Variants in SCAMP1 observed in about 807,000 individuals in gnomAD.
The protein encoded by SCAMP1 is secretory carrier membrane protein 1.
In SCAMP1, 15 loss-of-function variants were observed where a neutral mutation model predicts 41.8. That is an observed-to-expected ratio of 0.36 (90% confidence interval 0.24 to 0.55). SCAMP1 has a LOEUF of 0.55. Among genes scored for constraint, SCAMP1 ranks in the 20% least tolerant of loss-of-function variants. The pLI is 0.86. For missense variants in SCAMP1, 341 were observed against 412.6 expected, an observed-to-expected ratio of 0.83 and a Z score of 1.50; for synonymous variants, 135 against 136.8, an observed-to-expected ratio of 0.99 and a Z score of 0.09.
At chr5:78,418,735 A>T (rs760608920) in intron 4 of SCAMP1, 40 bp from the exon 5 acceptor site, 59 of 1,238,742 alleles carry the variant, frequency 4.8e-5, no homozygotes, top group Admixed American at 5.9e-5. Flanking sequence ...CATTTGTTAT[A>T]ATATAAATAA....
intron 2 of SCAMP1, among the ~76,000 whole-genome samples, chr5:78,404,114 TCAAAAA>T (rs1302463036): frequency 2.7e-5 from 1 of 37,300 alleles, no homozygotes; most frequent in Non-Finnish European, 5.9e-5. Context: ...AGACCCTGTC[TCAAAAA>T]AAAAAAAAAA....
intron 8 of SCAMP1, among the ~76,000 whole-genome samples, chr5:78,473,120 T>C (rs1159930): frequency 0.76 from 115,850 of 152,102 alleles, 44,773 homozygotes; most frequent in African/African-American, 0.84. Flanking sequence ...TTATACTTAA[T>C]GATAGTGCTA....
intron 6 of SCAMP1, among the ~76,000 whole-genome samples, chr5:78,431,103 A>G (rs1042742097): frequency 6.6e-6 from 1 of 152,038 alleles, no homozygotes; most frequent in African/African-American, 2.4e-5. Flanking sequence ...AAAACAACGT[A>G]TTGTATAACA....
At chr5:78,440,287 C>G (rs1052669161) in intron 6 of SCAMP1, among the ~76,000 whole-genome samples, 1 of 152,182 alleles carries the variant, frequency 6.6e-6, no homozygotes, top group Non-Finnish European at 1.5e-5. Context: ...AAGGGGCGCT[C>G]TGATTTTTAG....
intron 8 of SCAMP1, among the ~76,000 whole-genome samples, chr5:78,460,644 G>T (rs1753561819): frequency 6.6e-6 from 1 of 150,878 alleles, no homozygotes; most frequent in African/African-American, 2.5e-5. Context: ...CTGGATATTA[G>T]TCCTTTGTCA....
At chr5:78,379,906 C>T (rs1017534332) in intron 1 of SCAMP1, among the ~76,000 whole-genome samples, 27 of 152,056 alleles carry the variant, frequency 1.8e-4, no homozygotes, top group African/African-American at 6.3e-4. Context: ...TTTGTAATTA[C>T]GAAAACATTT....
chr5:78,472,656 T>C (rs1225145091), intron 8 of SCAMP1, among the ~76,000 whole-genome samples: 1 of 152,136 alleles, frequency 6.6e-6, no homozygotes, highest in Non-Finnish European at 1.5e-5. Flanking sequence ...ATGTGGTCTT[T>C]TCCCTCTAGG....
chr5:78,462,148 T>C (rs773084719), intron 8 of SCAMP1, among the ~76,000 whole-genome samples: 3 of 152,000 alleles, frequency 2.0e-5, no homozygotes, highest in Non-Finnish European at 2.9e-5. Context: ...ATTCTTCTTA[T>C]GGAGTTCTTT....
At chr5:78,375,854 G>A (rs1471293534) in intron 1 of SCAMP1, among the ~76,000 whole-genome samples, 1 of 152,072 alleles carries the variant, frequency 6.6e-6, no homozygotes, top group Non-Finnish European at 1.5e-5. Context: ...GCCTGGATCA[G>A]TACTGTCCAA....
intron 6 of SCAMP1, among the ~76,000 whole-genome samples, chr5:78,429,450 C>A (rs1035241930): frequency 6.6e-6 from 1 of 151,074 alleles, no homozygotes; most frequent in African/African-American, 2.4e-5. Context: ...GATCTTTGTC[C>A]ACTTACTCTG....
At chr5:78,450,246 AC>A (rs1223819553) in intron 7 of SCAMP1, among the ~76,000 whole-genome samples, 2 of 152,186 alleles carry the variant, frequency 1.3e-5, no homozygotes, top group Non-Finnish European at 2.9e-5. Context: ...TAAAAACAGC[AC>A]ATTTTTTCTA....
intron 1 of SCAMP1, among the ~76,000 whole-genome samples, chr5:78,378,885 C>CAT (rs1751131492): frequency 6.6e-6 from 1 of 152,192 alleles, no homozygotes; most frequent in Admixed American, 6.5e-5. Context: ...AATTCTCAGG[C>CAT]ATCATCCCAG....
intron 8 of SCAMP1, among the ~76,000 whole-genome samples, chr5:78,474,216 C>A (rs968589585): frequency 6.6e-6 from 1 of 152,056 alleles, no homozygotes; most frequent in South Asian, 2.1e-4. Flanking sequence ...GGCAAAATCA[C>A]CCCCGAAAAG....
intron 2 of SCAMP1, among the ~76,000 whole-genome samples, chr5:78,408,115 G>A (rs937923732): frequency 2.6e-5 from 4 of 152,104 alleles, no homozygotes; most frequent in African/African-American, 9.7e-5. Flanking sequence ...AGACATACCC[G>A]AGACCAGGTA....
In SCAMP1 at chr5:78,449,916, C is replaced by G; in HGVS notation, c.633-17C>G. The G allele has an allele frequency of 9.2e-7, 1 of 1,089,554 alleles. No homozygotes were observed. Among genetic ancestry groups the G allele is most frequent in the Non-Finnish European group, 1.2e-6 (1 of 806,982 alleles). 67.5% of individuals were successfully genotyped at this position (1,089,554 alleles called of 1,614,324 possible). On this transcript the variant is annotated splice_polypyrimidine_tract_variant and intron_variant, in intron 6 of 8. Coordinates refer to ENST00000621999, the MANE Select transcript of SCAMP1 (RefSeq NM_004866.6). ...CCCTAACCCCCTTTTTTCTTTCTTTCTTTTTTTTTTTCAAAGGAGTGACAG... is the reference window on the plus strand; with the variant it reads ...CCCTAACCCCCTTTTTTCTTTCTTTGTTTTTTTTTTTCAAAGGAGTGACAG...
intron 2 of SCAMP1, among the ~76,000 whole-genome samples, chr5:78,401,374 C>T (rs1165338625): frequency 6.6e-6 from 1 of 152,100 alleles, no homozygotes; most frequent in African/African-American, 2.4e-5. Flanking sequence ...TCTTTTGCTT[C>T]TTTCCTCCGA....
At chr5:78,398,664 C>T (rs186731080) in intron 2 of SCAMP1, among the ~76,000 whole-genome samples, 24 of 149,628 alleles carry the variant, frequency 1.6e-4, no homozygotes, top group African/African-American at 4.4e-4. Flanking sequence ...CTGCCTCAGC[C>T]TCCTGAGTAG....
chr5:78,465,208 G>A (rs751553025), intron 8 of SCAMP1, among the ~76,000 whole-genome samples: 4 of 152,104 alleles, frequency 2.6e-5, no homozygotes, highest in Non-Finnish European at 4.4e-5. Flanking sequence ...ATGCCTTATG[G>A]TGCATGTATT....
chr5:78,462,914 T>G (rs1753652610), intron 8 of SCAMP1, among the ~76,000 whole-genome samples: 1 of 152,246 alleles, frequency 6.6e-6, no homozygotes, highest in East Asian at 1.9e-4. Context: ...GACTTTTTGA[T>G]AGGTCTCACT....
Sources: gnomAD v4.1 joint callset for allele counts (sites outside exome capture counted in the v4.1 genomes callset) on GRCh38, gnomAD v4.1.1 for gene constraint, MANE v1.5 for transcripts, NCBI Gene and HGNC (gene_info 2026-07-23, HGNC 2026-07-21) for gene names.